C9orf43: variants seen among roughly 807,000 people sequenced by gnomAD.
The protein encoded by C9orf43 is uncharacterized protein C9orf43.
Under a neutral mutation model 59.1 loss-of-function variants are expected in C9orf43, and 45 were observed. The observed-to-expected ratio is 0.76, with a 90% CI of 0.60 to 0.98. The LOEUF is 0.98. Among genes scored for constraint, C9orf43 ranks in the 50% least tolerant of loss-of-function variants. C9orf43 has a pLI of 0.00. For missense variants in C9orf43, 533 were observed against 554.9 expected (o/e 0.96, Z 0.40); for synonymous variants, 203 against 196.8 (o/e 1.03, Z -0.26).
chr9:113,425,738 G>T lies in C9orf43; in HGVS notation c.1030+8G>T. On this transcript the variant is annotated splice_region_variant and intron_variant, in intron 11 of 13. Transcript: ENST00000374165. ...TTCATGACCGTCTCTATGGTAAGGG[G>T]AATATATGCTTGGTTGGGGGTGATA... 6.2e-7 allele frequency: 1 copy of T among 1,607,472 alleles called. No homozygotes were observed. The highest frequency in any genetic ancestry group is 8.5e-7 in the Non-Finnish European group (1 of 1,173,972).
At position 113,419,112 on chromosome 9, in the gene C9orf43, C is replaced by T; in HGVS notation, c.292C>T (p.Pro98Ser). Residue 98 changes from proline to serine, a missense_variant, in exon 4 of 14, where the codon CCG becomes TCG. Transcript: ENST00000374165. ...KFYSKFHGRP[P>S]KGLPDKSLIN... Reference sequence around the variant, plus strand: ...TGTGTGGAACTCATTTTTTAGGCCTCCGAAGGGTTTACCTGACAAAAGTTT... The same window carrying T: ...TGTGTGGAACTCATTTTTTAGGCCTTCGAAGGGTTTACCTGACAAAAGTTT... The T allele has an allele frequency of 6.2e-7, 1 of 1,609,550 alleles. No homozygotes were observed. The highest frequency in any genetic ancestry group is 2.2e-5 in the East Asian group (1 of 44,768).
At chr9:113,428,109 T>C in intron 11 of C9orf43, 38 bp from the exon 12 acceptor site, 2 of 1,606,076 alleles carry the variant, frequency 1.2e-6, no homozygotes, top group Non-Finnish European at 1.7e-6. Flanking sequence ...TATGATATGG[T>C]AATAAGAGGA....
At chr9:113,411,142 A>G (rs1285312906) in intron 1 of C9orf43, 141 bp downstream of exon 1, 1 of 984,412 alleles carries the variant, frequency 1.0e-6, no homozygotes, top group Admixed American at 6.2e-5. Context: ...TGGGCAGGTA[A>G]CGAAAGGGCG....
At chr9:113,428,117 G>A (rs1307027007) in intron 11 of C9orf43, 30 bp from the exon 12 acceptor site, 4 of 1,611,710 alleles carry the variant, frequency 2.5e-6, no homozygotes, top group African/African-American at 1.3e-5. Flanking sequence ...GGTAATAAGA[G>A]GAAGATTGAA....
intron 3 of C9orf43, among the ~76,000 whole-genome samples, 186 bp downstream of exon 3, chr9:113,414,080 T>C (rs966552346): frequency 6.6e-6 from 1 of 152,044 alleles, no homozygotes; most frequent in Non-Finnish European, 1.5e-5. Flanking sequence ...TAGGAATTGG[T>C]TAATTTGGGA....
chr9:113,411,089 A>T (rs990694806), intron 1 of C9orf43, 88 bp downstream of exon 1: 2 of 985,340 alleles, frequency 2.0e-6, no homozygotes, highest in African/African-American at 3.5e-5. Flanking sequence ...AATGCTGGCC[A>T]TATAGAGATG....
intron 8 of C9orf43, 146 bp downstream of exon 8, chr9:113,424,462 T>C: frequency 1.3e-6 from 1 of 792,600 alleles, no homozygotes; most frequent in South Asian, 2.0e-5. Flanking sequence ...CTGGGCTCTA[T>C]GTATGTAAAA....
At position 113,429,660 on chromosome 9, in the gene C9orf43, G is replaced by A. The variant is rs1233911233; in HGVS notation, c.*274G>A. 1 of 365,280 alleles carries A rather than the reference G, an allele frequency of 2.7e-6. No individual in the cohort carries two copies. Among genetic ancestry groups the A allele is most frequent in the Non-Finnish European group, 4.9e-6 (1 of 203,174 alleles). The allele number at this position is 365,280 out of a possible 1,614,324, so 22.6% of individuals were successfully genotyped here. On this transcript the variant is annotated 3_prime_UTR_variant, in exon 14 of 14. Coordinates refer to ENST00000374165, the MANE Select transcript of C9orf43 (RefSeq NM_001278629.2). ...TTCCATTAGGGTCAGAATAATTTTG[G>A]TGATTAAACACAACTGCTTTTCAAT...
intron 3 of C9orf43, among the ~76,000 whole-genome samples, chr9:113,415,266 C>T (rs1588102342): frequency 6.6e-6 from 1 of 152,090 alleles, no homozygotes; most frequent in East Asian, 1.9e-4. Context: ...GCCTCAGCCT[C>T]TCAAATAGCT....
chr9:113,416,640 C>T (rs1828370333), intron 3 of C9orf43, among the ~76,000 whole-genome samples: 1 of 152,158 alleles, frequency 6.6e-6, no homozygotes, highest in Non-Finnish European at 1.5e-5. Flanking sequence ...GGCTAATGGC[C>T]CTACTGTTTC....
chr9:113,413,679 G>T, intron 2 of C9orf43, 35 bp downstream of exon 2: 1 of 1,611,524 alleles, frequency 6.2e-7, no homozygotes, highest in Non-Finnish European at 8.5e-7. Context: ...TCCCTCACGA[G>T]GTCCTTAACG....
At chr9:113,428,014 C>A (rs1289654698) in intron 11 of C9orf43, 133 bp from the exon 12 acceptor site, 1 of 798,442 alleles carries the variant, frequency 1.3e-6, no homozygotes, top group Non-Finnish European at 2.2e-6. Flanking sequence ...GTCTAACTAC[C>A]TTTTACCTGC....
chr9:113,423,961 C>A (rs1327993320), intron 7 of C9orf43, among the ~76,000 whole-genome samples: 1 of 152,136 alleles, frequency 6.6e-6, no homozygotes, highest in East Asian at 1.9e-4. Flanking sequence ...AGCACATGAG[C>A]CTGACATAGA....
At chr9:113,412,789 G>A (rs1436075775) in intron 1 of C9orf43, among the ~76,000 whole-genome samples, 1 of 152,224 alleles carries the variant, frequency 6.6e-6, no homozygotes, top group African/African-American at 2.4e-5. Flanking sequence ...AGAGAGAGGT[G>A]TGAAGACCCT....
At chr9:113,427,510 G>C (rs1309210570) in intron 11 of C9orf43, among the ~76,000 whole-genome samples, 1 of 152,208 alleles carries the variant, frequency 6.6e-6, no homozygotes, top group African/African-American at 2.4e-5. Context: ...CTCAGACTGT[G>C]TCCCAGCTAT....
chr9:113,423,291 G>T lies in C9orf43; in HGVS notation c.484-35G>T, dbSNP rs760311250. On this transcript the variant is annotated intron_variant, in intron 6 of 13. Transcript: ENST00000374165. Reference sequence around the variant, plus strand: ...TGGAAAGGACTAGGCTAAAAAGAATGCTTTGGAGAATTCTTTCCATTGTTT... The same window carrying T: ...TGGAAAGGACTAGGCTAAAAAGAATTCTTTGGAGAATTCTTTCCATTGTTT... 3 of 1,603,224 alleles carry T rather than the reference G, an allele frequency of 1.9e-6. No homozygotes were observed. The South Asian group carries it at 3.3e-5, about 18-fold the overall frequency.
At chr9:113,422,272 A>G (rs1036630889) in intron 5 of C9orf43, among the ~76,000 whole-genome samples, 1 of 152,232 alleles carries the variant, frequency 6.6e-6, no homozygotes, top group Non-Finnish European at 1.5e-5. Context: ...CATGCTATGA[A>G]AGTAGGTAAC....
At chr9:113,421,040 C>T (rs574818995) in intron 4 of C9orf43, 63 bp from the exon 5 acceptor site, 2 of 1,298,630 alleles carry the variant, frequency 1.5e-6, no homozygotes, top group African/African-American at 2.9e-5. Context: ...CTTAGCATAT[C>T]CTTAATCTGA....
Position 113,422,429 on chromosome 9 carries a change from A to G in C9orf43, c.447-120A>G, listed in dbSNP as rs765966718. On this transcript the variant is annotated intron_variant, in intron 5 of 13. Coordinates refer to ENST00000374165, the MANE Select transcript of C9orf43 (RefSeq NM_001278629.2). Reference sequence around the variant, plus strand: ...ATCAAAGATAGGAATCTTTGTGGTCATCATTCACAAATATCCTTGGAGCTT... The same window carrying G: ...ATCAAAGATAGGAATCTTTGTGGTCGTCATTCACAAATATCCTTGGAGCTT... 2.5e-5 allele frequency: 35 copies of G among 1,374,420 alleles called. No individual in the cohort carries two copies. In the Admixed American group the frequency reaches 3.1e-4, roughly 12 times the overall value. 85.1% of individuals were successfully genotyped at this position (1,374,420 alleles called of 1,614,324 possible).
Sources: gnomAD v4.1 joint callset for allele counts (sites outside exome capture counted in the v4.1 genomes callset) on GRCh38, gnomAD v4.1.1 for gene constraint, MANE v1.5 for transcripts, NCBI Gene and HGNC (gene_info 2026-07-23, HGNC 2026-07-21) for gene names.